OTOGL: variants seen among roughly 807,000 people sequenced by gnomAD.
OTOGL encodes the protein otogelin-like protein.
A neutral mutation model predicts 318.5 loss-of-function variants in OTOGL; 285 were observed. The observed-to-expected ratio is 0.89, with a 90% CI of 0.81 to 0.99. OTOGL has a LOEUF of 0.99. Ranked by LOEUF, OTOGL falls within the 50% of genes least tolerant of loss-of-function variation. OTOGL has a pLI of 0.00. For synonymous variants in OTOGL, 987 were observed against 936.5 expected (o/e 1.05, Z -0.99); for missense variants, 2,899 against 2,845.6 (o/e 1.02, Z -0.43).
chr12:80,233,003 C>G lies in OTOGL; in HGVS notation c.723C>G (p.Ile241Met). ...TGGCTTGGGACGGGATATCTGGGAT[C>G]TACCTCAAGCTGTCTGAGGACCATA... Reference protein sequence around the residue: ...FSLAWDGISGIYLKLSEDHKG... With the variant: ...FSLAWDGISGMYLKLSEDHKG... Residue 241 changes from isoleucine (I) to methionine (M), a missense_variant, in exon 9 of 59, where the codon ATC (isoleucine) becomes ATG (methionine). Coordinates refer to ENST00000547103, the MANE Select transcript of OTOGL (RefSeq NM_001378609.3). 6.3e-7 allele frequency: 1 copy of G among 1,598,620 alleles called. No individual in the cohort carries two copies. The highest frequency in any genetic ancestry group is 8.5e-7 in the Non-Finnish European group (1 of 1,179,018).
In OTOGL at chr12:80,378,314, C is replaced by A. The variant is rs1181534125; in HGVS notation, c.*266C>A. ...TTATGTATTTAATTACAACTTGGTG[C>A]AGATACAGTATATTCTCATCAACTG... On this transcript the variant is annotated 3_prime_UTR_variant, in exon 59 of 59. Coordinates refer to ENST00000547103, the MANE Select transcript of OTOGL (RefSeq NM_001378609.3). The A allele has an allele frequency of 5.9e-6, 2 of 338,184 alleles. No individual in the cohort carries two copies. The highest frequency in any genetic ancestry group is 4.2e-5 in the African/African-American group (2 of 47,762). 20.9% of individuals were successfully genotyped at this position (338,184 alleles called of 1,614,324 possible).
chr12:80,178,635 T>G (rs1309219654), intron 1 of OTOGL, among the ~76,000 whole-genome samples: 1 of 152,144 alleles, frequency 6.6e-6, no homozygotes, highest in Non-Finnish European at 1.5e-5. Flanking sequence ...ATCAAAATGC[T>G]TACCACACAG....
At chr12:80,285,512 A>C (rs1001857839) in intron 26 of OTOGL, among the ~76,000 whole-genome samples, 3 of 152,150 alleles carry the variant, frequency 2.0e-5, no homozygotes, top group Non-Finnish European at 4.4e-5. Flanking sequence ...ATCTGTGAGC[A>C]TAGAATCTTT....
intron 5 of OTOGL, among the ~76,000 whole-genome samples, chr12:80,218,795 C>CTTTTTTT (rs34204072): frequency 4.2e-5 from 5 of 118,218 alleles, no homozygotes; most frequent in Non-Finnish European, 7.0e-5. Flanking sequence ...CTTTTTCTTT[C>CTTTTTTT]TTTTTTTTTT....
chr12:80,219,887 G>A lies in OTOGL; in HGVS notation c.309G>A (p.Gln103=), dbSNP rs1334054372. The A allele has an allele frequency of 6.3e-7, 1 of 1,586,592 alleles. No individual in the cohort carries two copies. Among genetic ancestry groups the A allele is most frequent in the Admixed American group, 1.7e-5 (1 of 59,700 alleles). The part of the protein sequence containing the change: ...KTGTCDCQIF[Q]ALGTRCQIIP... ...GAACATGTGACTGTCAAATATTTCA[G>A]GCTCTTGGGACAAGATGCCAGATCA... Residue 103 remains glutamine, a synonymous_variant, in exon 6 of 59, where the codon CAG becomes CAA. Coordinates refer to ENST00000547103, the MANE Select transcript of OTOGL (RefSeq NM_001378609.3).
intron 44 of OTOGL, 126 bp from the exon 45 acceptor site, chr12:80,352,169 G>GAA (rs1889589294): frequency 1.2e-6 from 1 of 848,208 alleles, no homozygotes; most frequent in African/African-American, 1.7e-5. Context: ...AAAATGTAAA[G>GAA]TCTATGATGA....
intron 44 of OTOGL, among the ~76,000 whole-genome samples, chr12:80,345,218 A>G (rs1889113371): frequency 7.3e-6 from 1 of 137,094 alleles, no homozygotes; most frequent in Non-Finnish European, 1.5e-5. Context: ...TGTATAAAAT[A>G]TATATATATT....
At chr12:80,236,390 TC>T (rs1471836491) in intron 9 of OTOGL, among the ~76,000 whole-genome samples, 1 of 152,194 alleles carries the variant, frequency 6.6e-6, no homozygotes, top group East Asian at 1.9e-4. Flanking sequence ...TTTAGCAGGC[TC>T]CCACACCACC....
chr12:80,325,238 A>G (rs1378311136), intron 35 of OTOGL, among the ~76,000 whole-genome samples: 1 of 152,120 alleles, frequency 6.6e-6, no homozygotes, highest in Non-Finnish European at 1.5e-5. Flanking sequence ...AAATGTTGCC[A>G]ATAGGTAAGA....
intron 7 of OTOGL, among the ~76,000 whole-genome samples, chr12:80,228,074 CATA>C (rs980072562): frequency 6.6e-6 from 1 of 152,146 alleles, no homozygotes; most frequent in African/African-American, 2.4e-5. Context: ...GTGCCTGGTA[CATA>C]ATAAATGATC....
At chr12:80,169,067 AT>A (rs967237563) in intron 1 of OTOGL, among the ~76,000 whole-genome samples, 4 of 151,638 alleles carry the variant, frequency 2.6e-5, no homozygotes, top group African/African-American at 7.3e-5. Context: ...TGCCTTCTAG[AT>A]TTTTTTTTCT....
intron 1 of OTOGL, among the ~76,000 whole-genome samples, chr12:80,152,021 T>G (rs1286002820): frequency 6.6e-6 from 1 of 152,084 alleles, no homozygotes; most frequent in East Asian, 1.9e-4. Flanking sequence ...TCCCCCAAAT[T>G]TAAGTTATGA....
chr12:80,149,669 C>G (rs112597357), intron 1 of OTOGL, among the ~76,000 whole-genome samples: 9,832 of 152,118 alleles, frequency 0.065, 972 homozygotes, highest in African/African-American at 0.22. Flanking sequence ...CCCCCAGCCT[C>G]GCTGCCGCCT....
At chr12:80,241,630 G>A (rs1880388861) in intron 11 of OTOGL, among the ~76,000 whole-genome samples, 1 of 152,074 alleles carries the variant, frequency 6.6e-6, no homozygotes, top group African/African-American at 2.4e-5. Context: ...CATTTGTCAA[G>A]TAGTCTGAGA....
At chr12:80,292,127 T>G (rs1012857286) in intron 26 of OTOGL, among the ~76,000 whole-genome samples, 1 of 152,236 alleles carries the variant, frequency 6.6e-6, no homozygotes, top group South Asian at 2.1e-4. Flanking sequence ...TAGCTGGGAT[T>G]ACAGGCATGC....
intron 1 of OTOGL, among the ~76,000 whole-genome samples, chr12:80,182,220 T>A (rs947312474): frequency 1.1e-4 from 16 of 152,134 alleles, no homozygotes; most frequent in African/African-American, 3.9e-4. Context: ...TCCAATCACA[T>A]ATTCTTGCCC....
In OTOGL at chr12:80,219,844, C is replaced by A. The variant is rs1417752620; in HGVS notation, c.266C>A (p.Ala89Asp). Residue 89 changes from alanine to aspartate, a missense_variant, in exon 6 of 59, where the codon GCT becomes GAT. Physicochemically the swap from Ala to Asp is moderately radical, Grantham distance 126. This residue lies in a region of OTOGL where 2,607 missense variants were observed against 2,524.9 expected (regional missense o/e 1.03). Transcript: ENST00000547103. The part of the protein sequence containing the change: ...GSCPYECLNG[A>D]FCSKTGTCDC... ...TGTCCTTATGAATGCCTTAATGGAG[C>A]TTTCTGTTCTAAGACTGGAACATGT... The A allele has an allele frequency of 6.3e-7, 1 of 1,590,036 alleles. No individual in the cohort carries two copies. Among genetic ancestry groups the A allele is most frequent in the Non-Finnish European group, 8.5e-7 (1 of 1,173,982 alleles).
At chr12:80,223,155 T>G (rs1285850169) in intron 7 of OTOGL, among the ~76,000 whole-genome samples, 7 of 152,100 alleles carry the variant, frequency 4.6e-5, no homozygotes, top group Non-Finnish European at 1.0e-4. Flanking sequence ...TATTCCCAAG[T>G]TACTTCACTT....
intron 44 of OTOGL, among the ~76,000 whole-genome samples, chr12:80,348,441 C>T (rs954506556): frequency 4.6e-5 from 7 of 151,994 alleles, no homozygotes; most frequent in African/African-American, 1.2e-4. Flanking sequence ...GATTGTGTGG[C>T]ATTATTCCTG....
Sources: allele counts gnomAD v4.1 joint callset (sites outside exome capture counted in the v4.1 genomes callset), GRCh38; gene constraint gnomAD v4.1.1; regional missense constraint gnomAD v4.1.1; transcripts MANE v1.5; gene names NCBI Gene and HGNC (gene_info 2026-07-23, HGNC 2026-07-21).